ROBO2: variants seen among roughly 807,000 people sequenced by gnomAD.
ROBO2 encodes roundabout homolog 2.
A neutral mutation model predicts 160.8 loss-of-function variants in ROBO2; 53 were observed. That is an observed-to-expected ratio of 0.33 (90% confidence interval 0.26 to 0.41). ROBO2 has a LOEUF of 0.41. ROBO2 is among the 10% of genes least tolerant of loss of function. The probability of loss-of-function intolerance (pLI) is 1.00; values close to 1 mark genes in which losing one functional copy is unlikely to be tolerated. For synonymous variants in ROBO2, 664 were observed against 611.7 expected, an observed-to-expected ratio of 1.09 and a Z score of -1.26; for missense variants, 1,577 against 1,722.4, an observed-to-expected ratio of 0.92 and a Z score of 1.49.
At chr3:76,254,132 GC>G (rs1177318770) in intron 2 of ROBO2, among the ~76,000 whole-genome samples, 1 of 151,872 alleles carries the variant, frequency 6.6e-6, no homozygotes, top group Non-Finnish European at 1.5e-5. Context: ...TATCTCTTTG[GC>G]TTTTTACTTT....
intron 2 of ROBO2, among the ~76,000 whole-genome samples, chr3:76,420,710 A>G (rs2075960268): frequency 6.6e-6 from 1 of 152,126 alleles, no homozygotes; most frequent in Admixed American, 6.6e-5. Flanking sequence ...AAGCAATTGT[A>G]TTTTTCCCTA....
chr3:77,389,717 T>G (rs142859742), intron 2 of ROBO2, among the ~76,000 whole-genome samples: 244 of 152,272 alleles, frequency 1.6e-3, no homozygotes, highest in African/African-American at 5.6e-3. Flanking sequence ...ATTTTTAATT[T>G]CTTTGTAATT....
chr3:76,082,749 T>C (rs181374225), intron 2 of ROBO2, among the ~76,000 whole-genome samples: 53 of 152,306 alleles, frequency 3.5e-4, no homozygotes, highest in African/African-American at 1.2e-3. Context: ...GGAATAGTTA[T>C]CATTTTCCCA....
At chr3:77,403,836 G>GA (rs1206864118) in intron 2 of ROBO2, among the ~76,000 whole-genome samples, 2 of 151,816 alleles carry the variant, frequency 1.3e-5, no homozygotes, top group African/African-American at 2.4e-5. Context: ...AAATCAAGAT[G>GA]AAAAAAGTGG....
At chr3:76,254,017 C>T (rs1172035167) in intron 2 of ROBO2, among the ~76,000 whole-genome samples, 1 of 152,000 alleles carries the variant, frequency 6.6e-6, no homozygotes, top group African/African-American at 2.4e-5. Flanking sequence ...ATACATAAAT[C>T]ATTAATAGCA....
At chr3:76,914,257 A>C (rs758498229) in intron 2 of ROBO2, among the ~76,000 whole-genome samples, 1 of 152,146 alleles carries the variant, frequency 6.6e-6, no homozygotes, top group Non-Finnish European at 1.5e-5. Context: ...CACATCTACC[A>C]AGGTTATCAG....
chr3:76,876,740 G>C (rs1292087553), intron 2 of ROBO2, among the ~76,000 whole-genome samples: 1 of 151,638 alleles, frequency 6.6e-6, no homozygotes, highest in East Asian at 1.9e-4. Flanking sequence ...AAGAAATACA[G>C]GGTTTACATA....
intron 2 of ROBO2, among the ~76,000 whole-genome samples, chr3:76,857,019 T>C (rs368116967): frequency 3.3e-4 from 50 of 152,304 alleles, no homozygotes; most frequent in African/African-American, 1.2e-3. Context: ...GGAGTCTTGC[T>C]CTGTTGCCCA....
At chr3:76,003,198 C>A (rs1373593632) in intron 2 of ROBO2, among the ~76,000 whole-genome samples, 1 of 152,126 alleles carries the variant, frequency 6.6e-6, no homozygotes, top group African/African-American at 2.4e-5. Flanking sequence ...TGACCCTATG[C>A]CCTCTCTTAA....
chr3:77,549,231 T>C (rs1038404469), intron 7 of ROBO2, among the ~76,000 whole-genome samples: 16 of 152,024 alleles, frequency 1.1e-4, no homozygotes, highest in Admixed American at 9.2e-4. Flanking sequence ...TGGTACATTG[T>C]AGAGGAAGCC....
chr3:77,219,819 A>G lies in ROBO2; in HGVS notation c.388+121479A>G, dbSNP rs936987410. On this transcript the variant is annotated intron_variant, in intron 2 of 25. Coordinates refer to ENST00000461745, the Ensembl canonical transcript of ROBO2. ...CATATCAAAAATCCACATTGTGTAG[A>G]AAATTTGTAGATCTTTGAAATTACA... Among the ~76,000 whole-genome samples, 3 of 151,734 alleles carry G rather than the reference A, an allele frequency of 2.0e-5. No individual in the cohort carries two copies. In the East Asian group the frequency reaches 5.8e-4, roughly 30 times the overall value.
At position 76,869,403 on chromosome 3, in the gene ROBO2, G is replaced by A. The variant is rs565550499; in HGVS notation, c.110-228611G>A. Among the ~76,000 whole-genome samples, 389 of 129,868 alleles carry A rather than the reference G, an allele frequency of 3.0e-3. 4 individuals carry two copies. The highest frequency in any genetic ancestry group is 4.2e-3 in the Non-Finnish European group (271 of 64,322). The allele number at this position is 129,868 out of a possible 152,430, so 85.2% of individuals were successfully genotyped here. ...CTGACTCTGTCGCCCAGGCTGGAGT[G>A]CAGTGGCGCGATCTCGGCTCACTGC... On this transcript the variant is annotated intron_variant, in intron 2 of 26. Transcript: ENST00000487694.
At chr3:76,700,241 G>A (rs942608413) in intron 2 of ROBO2, among the ~76,000 whole-genome samples, 1 of 151,656 alleles carries the variant, frequency 6.6e-6, no homozygotes, top group East Asian at 1.9e-4. Context: ...CTTTAGCATC[G>A]TTTTCCTGGT....
At position 77,595,193 on chromosome 3, in the gene ROBO2, C is replaced by A; in HGVS notation, c.2726+9C>A. 2 of 1,600,774 alleles carry A rather than the reference C, an allele frequency of 1.2e-6. No individual in the cohort carries two copies. The highest frequency in any genetic ancestry group is 1.7e-6 in the Non-Finnish European group (2 of 1,168,582). On this transcript the variant is annotated intron_variant, in intron 18 of 25. Coordinates refer to ENST00000461745, the Ensembl canonical transcript of ROBO2. ...CTAATGAGCAATGGAAGGTATGCTA[C>A]GGAGATTGTTTCATTATTATTTTTA...
chr3:75,915,976 C>G (rs1347742696), intron 1 of ROBO2, among the ~76,000 whole-genome samples: 1 of 152,074 alleles, frequency 6.6e-6, no homozygotes, highest in Non-Finnish European at 1.5e-5. Context: ...AACAGTATTT[C>G]TAGATAGATA....
At chr3:76,732,483 A>G (rs1283269470) in intron 2 of ROBO2, among the ~76,000 whole-genome samples, 1 of 152,124 alleles carries the variant, frequency 6.6e-6, no homozygotes, top group Non-Finnish European at 1.5e-5. Flanking sequence ...CGTGTGGGAA[A>G]TGGGAACTGA....
At chr3:76,989,256 G>A (rs764131428) in intron 2 of ROBO2, among the ~76,000 whole-genome samples, 22 of 152,076 alleles carry the variant, frequency 1.4e-4, no homozygotes, top group Non-Finnish European at 2.5e-4. Context: ...CACTTTGCAT[G>A]GGATATTATA....
chr3:76,330,264 A>G (rs2073381173), intron 2 of ROBO2, among the ~76,000 whole-genome samples: 1 of 152,226 alleles, frequency 6.6e-6, no homozygotes, highest in African/African-American at 2.4e-5. Flanking sequence ...AACTAAACTC[A>G]TAACTAATCA....
intron 2 of ROBO2, among the ~76,000 whole-genome samples, chr3:76,236,582 G>A (rs1363716575): frequency 6.6e-6 from 1 of 152,122 alleles, no homozygotes; most frequent in Non-Finnish European, 1.5e-5. Flanking sequence ...TAGATTATTA[G>A]TGCTGCTTCT....
Sources: gnomAD v4.1 joint callset for allele counts (sites outside exome capture counted in the v4.1 genomes callset) on GRCh38, gnomAD v4.1.1 for gene constraint, MANE v1.5 for transcripts, NCBI Gene and HGNC (gene_info 2026-07-23, HGNC 2026-07-21) for gene names.